The following ERICH5 variants were observed in gnomAD, a reference collection of about 807,000 sequenced individuals.
ERICH5 encodes the protein glutamate-rich protein 5.
In ERICH5, 24 loss-of-function variants were observed where a neutral mutation model predicts 28.0. The ratio of observed to expected loss-of-function variants is 0.86; its 90% CI spans 0.62 to 1.21. The LOEUF (loss-of-function observed/expected upper bound fraction) is 1.21, where lower values mean the gene tolerates loss of function less well. ERICH5 is among the 50% of genes most tolerant of loss of function. The probability of loss-of-function intolerance (pLI) is 0.00; values close to 1 mark genes in which losing one functional copy is unlikely to be tolerated. For missense variants in ERICH5, 421 were observed against 441.2 expected (o/e 0.95, Z 0.41); for synonymous variants, 163 against 157.6 (o/e 1.03, Z -0.25).
At chr8:98,081,665 C>G (rs528210645) in intron 1 of ERICH5, among the ~76,000 whole-genome samples, 3 of 152,186 alleles carry the variant, frequency 2.0e-5, no homozygotes, top group Non-Finnish European at 4.4e-5. Context: ...CTGTGGCTTA[C>G]GCCTGTAACC....
intron 2 of ERICH5, among the ~76,000 whole-genome samples, chr8:98,091,680 G>A (rs1324703959): frequency 6.6e-6 from 1 of 152,202 alleles, no homozygotes; most frequent in African/African-American, 2.4e-5. Flanking sequence ...TTTCCTGCAA[G>A]TGTGTGCAAT....
At chr8:98,091,848 CTTT>C in intron 2 of ERICH5, among the ~76,000 whole-genome samples, 2 of 77,978 alleles carry the variant, frequency 2.6e-5, no homozygotes, top group Non-Finnish European at 5.3e-5. Context: ...TTCTTTCTTT[CTTT>C]CTTTCTTTCT....
At position 98,093,341 on chromosome 8, in the gene ERICH5, A is replaced by G; in HGVS notation, c.*8A>G. ...CTTTCAGCAGCCACATAGATAGAAG[A>G]GTGAACCGACACAGTGTGTTATCAT... On this transcript the variant is annotated 3_prime_UTR_variant, in exon 3 of 3. Coordinates refer to ENST00000318528, the MANE Select transcript of ERICH5 (RefSeq NM_173549.3). The G allele has an allele frequency of 1.3e-6, 2 of 1,594,660 alleles. No individual in the cohort carries two copies. Among genetic ancestry groups the G allele is most frequent in the South Asian group, 2.2e-5 (2 of 90,464 alleles).
At chr8:98,073,717 A>G (rs1208254957) in intron 1 of ERICH5, among the ~76,000 whole-genome samples, 4 of 148,508 alleles carry the variant, frequency 2.7e-5, no homozygotes, top group Non-Finnish European at 4.5e-5. Context: ...TAATTTTTGT[A>G]TATTTAGTAG....
intron 2 of ERICH5, among the ~76,000 whole-genome samples, chr8:98,091,877 TTTC>T (rs1351430896): frequency 1.6e-4 from 15 of 94,876 alleles, no homozygotes; most frequent in African/African-American, 4.9e-4. Context: ...TCTTTCTTTC[TTTC>T]TTTCTTTCTT....
At chr8:98,090,214 C>T (rs938124931) in intron 2 of ERICH5, among the ~76,000 whole-genome samples, 185 bp downstream of exon 2, 1 of 152,138 alleles carries the variant, frequency 6.6e-6, no homozygotes, top group Non-Finnish European at 1.5e-5. Context: ...CTCAGTTTGT[C>T]AGCAAAACTT....
rs753156887 is a variant in ERICH5, at chr8:98,089,597, G to T, written c.580G>T (p.Val194Phe). 8.7e-6 allele frequency: 14 copies of T among 1,614,184 alleles called. No individual in the cohort carries two copies. The highest frequency in any genetic ancestry group is 1.7e-5 in the Admixed American group (1 of 60,018). The stretch of plus-strand genomic sequence containing the variant: ...GAAGCCTCTAGGAACAACTGAGAAC[G>T]TTCTGACTCTGCAAATAGCTGGAGA... ...EMKPLGTTEN[V>F]LTLQIAGELQ... The change falls in exon 2 of 3, where the codon GTT (valine) becomes TTT (phenylalanine). Residue 194 changes from valine to phenylalanine, a missense_variant. Physicochemically the swap from Val to Phe is conservative, Grantham distance 50. Transcript: ENST00000318528.
chr8:98,091,794 TG>T (rs1815387107), intron 2 of ERICH5, among the ~76,000 whole-genome samples: 1 of 152,246 alleles, frequency 6.6e-6, no homozygotes, highest in South Asian at 2.1e-4. Context: ...GACCACCCTT[TG>T]ATTTAGATAC....
In ERICH5 at chr8:98,089,524, T is replaced by C; in HGVS notation, c.507T>C (p.Ser169=). The change falls in exon 2 of 3, where the codon TCT becomes TCC. Residue 169 remains serine, a synonymous_variant. Transcript: ENST00000318528. ...QPLQAAVEKD[S]LRAVEVTENP... is the part of the protein sequence containing the mutation. ...TGCAGGCAGCAGTAGAGAAGGACTC[T>C]CTCAGAGCAGTGGAGGTCACTGAGA... The C allele has an allele frequency of 6.2e-7, 1 of 1,614,176 alleles. No homozygotes were observed. Among genetic ancestry groups the C allele is most frequent in the East Asian group, 2.2e-5 (1 of 44,888 alleles).
chr8:98,064,766 G>A, intron 1 of ERICH5, 39 bp downstream of exon 1: 2 of 1,513,270 alleles, frequency 1.3e-6, no homozygotes, highest in Non-Finnish European at 1.8e-6. Flanking sequence ...CCGGGCTGGG[G>A]ACTCGGGTGG....
intron 1 of ERICH5, among the ~76,000 whole-genome samples, chr8:98,073,432 CTA>C (rs1185025027): frequency 0.027 from 399 of 15,012 alleles, 102 homozygotes; most frequent in Middle Eastern, 0.036. Flanking sequence ...CTCTCTCTCT[CTA>C]TATATATATA....
At chr8:98,084,053 A>ATT (rs11298792) in intron 1 of ERICH5, among the ~76,000 whole-genome samples, 18 of 139,568 alleles carry the variant, frequency 1.3e-4, no homozygotes, top group South Asian at 2.3e-4. Flanking sequence ...GCTAATTTTA[A>ATT]TTTTTTTTTT....
At chr8:98,091,846 TTC>T (rs1218608970) in intron 2 of ERICH5, among the ~76,000 whole-genome samples, 182 of 77,012 alleles carry the variant, frequency 2.4e-3, no homozygotes, top group African/African-American at 8.3e-3. Flanking sequence ...TTTTCTTTCT[TTC>T]TTTCTTTCTT....
At chr8:98,076,546 T>C (rs1815059165) in intron 1 of ERICH5, among the ~76,000 whole-genome samples, 1 of 152,122 alleles carries the variant, frequency 6.6e-6, no homozygotes, top group Non-Finnish European at 1.5e-5. Flanking sequence ...TAAATCAATA[T>C]CCTTATATTA....
At chr8:98,079,674 G>A (rs1815137205) in intron 1 of ERICH5, among the ~76,000 whole-genome samples, 1 of 152,098 alleles carries the variant, frequency 6.6e-6, no homozygotes, top group Non-Finnish European at 1.5e-5. Context: ...CGAGTAGCTG[G>A]GATTACAAGC....
At chr8:98,068,415 C>G (rs1167462707) in intron 1 of ERICH5, among the ~76,000 whole-genome samples, 2 of 152,120 alleles carry the variant, frequency 1.3e-5, no homozygotes, top group African/African-American at 2.4e-5. Flanking sequence ...ATGTGGTAGT[C>G]ACACATCGAT....
At chr8:98,067,375 T>C (rs1167718314) in intron 1 of ERICH5, among the ~76,000 whole-genome samples, 1 of 152,032 alleles carries the variant, frequency 6.6e-6, no homozygotes, top group East Asian at 1.9e-4. Flanking sequence ...AGAGGATTGC[T>C]TGAGCCCAGG....
At chr8:98,069,381 G>GT (rs33925828) in intron 1 of ERICH5, among the ~76,000 whole-genome samples, 1 of 150,222 alleles carries the variant, frequency 6.7e-6, no homozygotes, top group East Asian at 1.9e-4. Context: ...TTATTTTAGG[G>GT]TTTTTTTTTT....
chr8:98,078,157 C>T (rs1281353782), intron 1 of ERICH5, among the ~76,000 whole-genome samples: 1 of 152,124 alleles, frequency 6.6e-6, no homozygotes, highest in Admixed American at 6.6e-5. Flanking sequence ...AGCATTTGTG[C>T]CATGGCACAG....
Sources: gnomAD v4.1 joint callset for allele counts (sites outside exome capture counted in the v4.1 genomes callset) on GRCh38, gnomAD v4.1.1 for gene constraint, MANE v1.5 for transcripts, NCBI Gene and HGNC (gene_info 2026-07-23, HGNC 2026-07-21) for gene names.